Variants in GRIK3 observed in about 807,000 individuals in gnomAD.
GRIK3 encodes the protein glutamate ionotropic receptor kainate type subunit 3.
In GRIK3, 29 loss-of-function variants were observed where a neutral mutation model predicts 102.5. The observed-to-expected ratio is 0.28, with a 90% CI of 0.21 to 0.39. The LOEUF (loss-of-function observed/expected upper bound fraction) is 0.39, where lower values mean the gene tolerates loss of function less well. Among genes scored for constraint, GRIK3 ranks in the 10% least tolerant of loss-of-function variants. The pLI is 1.00. For missense variants in GRIK3, 908 were observed against 1,252.4 expected (o/e 0.73, Z 4.15); for synonymous variants, 511 against 504.9 (o/e 1.01, Z -0.16).
intron 1 of GRIK3, among the ~76,000 whole-genome samples, chr1:36,899,546 T>C (rs1296321905): frequency 1.3e-5 from 2 of 152,134 alleles, no homozygotes; most frequent in South Asian, 2.1e-4. Context: ...TTATTCTTTA[T>C]GGATATAGAG....
intron 11 of GRIK3, among the ~76,000 whole-genome samples, chr1:36,821,376 A>G (rs1642693878): frequency 1.3e-5 from 2 of 152,206 alleles, no homozygotes; most frequent in South Asian, 4.1e-4. Flanking sequence ...GAGCCTTTGG[A>G]GAGCTGGGTG....
intron 1 of GRIK3, among the ~76,000 whole-genome samples, chr1:36,999,149 G>A (rs936045726): frequency 2.0e-5 from 3 of 152,070 alleles, no homozygotes; most frequent in Admixed American, 6.6e-5. Flanking sequence ...TGGAGCTCAA[G>A]TACATAAAGT....
At chr1:36,828,716 C>A (rs761595818) in intron 10 of GRIK3, among the ~76,000 whole-genome samples, 3 of 152,216 alleles carry the variant, frequency 2.0e-5, no homozygotes. Flanking sequence ...CTCAAAATGC[C>A]TTTGGAACTG....
intron 5 of GRIK3, among the ~76,000 whole-genome samples, chr1:36,864,062 G>A (rs187069390): frequency 3.3e-5 from 5 of 152,230 alleles, no homozygotes; most frequent in Admixed American, 2.0e-4. Flanking sequence ...TGTTATTGCC[G>A]GGAAGTGGCA....
rs759627595 is a variant in GRIK3, at chr1:36,801,832, G to C, written c.*19C>G. On this transcript the variant is annotated 3_prime_UTR_variant, in exon 16 of 16. Coordinates refer to ENST00000373091, the MANE Select transcript of GRIK3 (RefSeq NM_000831.4). ...CCTCTGCCCAGCCCCCAGGCCTGAG[G>C]TCCCCACCCCAGCTGTGCCTAGGGG... 1.3e-6 allele frequency: 2 copies of C among 1,576,090 alleles called. No homozygotes were observed. The highest frequency in any genetic ancestry group is 1.7e-6 in the Non-Finnish European group (2 of 1,159,646).
At chr1:36,991,342 G>A (rs1642361347) in intron 1 of GRIK3, among the ~76,000 whole-genome samples, 1 of 152,144 alleles carries the variant, frequency 6.6e-6, no homozygotes, top group African/African-American at 2.4e-5. Context: ...GACCCTAAAG[G>A]GGCCACAGAC....
At chr1:36,832,325 C>T (rs962026799) in intron 10 of GRIK3, among the ~76,000 whole-genome samples, 2 of 152,178 alleles carry the variant, frequency 1.3e-5, no homozygotes, top group Admixed American at 6.5e-5. Flanking sequence ...CTGGTTTAGA[C>T]GAGGCACCCA....
At chr1:36,907,160 A>C (rs1262717894) in intron 1 of GRIK3, among the ~76,000 whole-genome samples, 1 of 152,154 alleles carries the variant, frequency 6.6e-6, no homozygotes, top group Non-Finnish European at 1.5e-5. Flanking sequence ...GAGGTGAGTG[A>C]GTGTTTCCTT....
At chr1:36,976,811 C>A (rs1369766068) in intron 1 of GRIK3, among the ~76,000 whole-genome samples, 2 of 152,138 alleles carry the variant, frequency 1.3e-5, no homozygotes, top group Non-Finnish European at 2.9e-5. Flanking sequence ...CCCTTATGAG[C>A]CTCACTTCAG....
chr1:36,915,463 A>G (rs1260057049), intron 1 of GRIK3, among the ~76,000 whole-genome samples: 1 of 152,220 alleles, frequency 6.6e-6, no homozygotes, highest in East Asian at 1.9e-4. Context: ...TGAAATGGCT[A>G]AACAGCAAAA....
At chr1:36,858,014 G>A (rs890868394) in intron 7 of GRIK3, among the ~76,000 whole-genome samples, 3 of 152,190 alleles carry the variant, frequency 2.0e-5, no homozygotes, top group Admixed American at 6.5e-5. Flanking sequence ...GAAGGCAGCT[G>A]GCTTCATTTC....
At chr1:36,908,068 C>T (rs1039062950) in intron 1 of GRIK3, among the ~76,000 whole-genome samples, 9 of 152,188 alleles carry the variant, frequency 5.9e-5, no homozygotes, top group Non-Finnish European at 1.3e-4. Flanking sequence ...GGAGCCCCTC[C>T]CCACACTCCC....
At chr1:37,011,816 C>A (rs576016025) in intron 1 of GRIK3, among the ~76,000 whole-genome samples, 1 of 152,166 alleles carries the variant, frequency 6.6e-6, no homozygotes, top group Non-Finnish European at 1.5e-5. Context: ...CATGCAGAGA[C>A]GCATTTCTCC....
At chr1:36,864,385 G>C (rs537537103) in intron 5 of GRIK3, among the ~76,000 whole-genome samples, 2 of 152,330 alleles carry the variant, frequency 1.3e-5, no homozygotes, top group East Asian at 3.9e-4. Context: ...CCTACAGGGG[G>C]CGCCCTCCTC....
intron 11 of GRIK3, among the ~76,000 whole-genome samples, chr1:36,823,503 T>C (rs1321512734): frequency 1.4e-4 from 18 of 126,168 alleles, no homozygotes; most frequent in African/African-American, 5.6e-4. Context: ...AAAAAAAAAT[T>C]AAACTAGTGG....
intron 1 of GRIK3, among the ~76,000 whole-genome samples, chr1:36,957,502 CCA>C (rs1641931704): frequency 8.0e-6 from 1 of 125,334 alleles, no homozygotes; most frequent in Non-Finnish European, 1.8e-5. Context: ...CCTGTGTGCC[CCA>C]TGACTCTGTG....
At chr1:36,802,477 G>A (rs1162632985) in intron 15 of GRIK3, among the ~76,000 whole-genome samples, 1 of 152,176 alleles carries the variant, frequency 6.6e-6, no homozygotes, top group Non-Finnish European at 1.5e-5. Flanking sequence ...AACATTTGAC[G>A]AATGTATGGA....
chr1:37,022,062 C>G (rs1231927447), intron 1 of GRIK3, among the ~76,000 whole-genome samples: 1 of 152,192 alleles, frequency 6.6e-6, no homozygotes, highest in Non-Finnish European at 1.5e-5. Flanking sequence ...GTGGAGGATG[C>G]ATATATTCCC....
rs112915062 is a variant in GRIK3, at chr1:36,809,385, G to A, written c.2092-3059C>T. On this transcript the variant is annotated intron_variant, in intron 13 of 15. Transcript: ENST00000373091. ...CATCTATCTATCCATCCATCCATCC[G>A]TCTGTTCTCTTACCCACCTATCCAT... Among the ~76,000 whole-genome samples, 340 of 151,808 alleles carry A rather than the reference G, an allele frequency of 2.2e-3. 1 individual carries two copies. Among genetic ancestry groups the A allele is most frequent in the African/African-American group, 8.0e-3 (329 of 41,376 alleles).
Sources: gnomAD v4.1 joint callset for allele counts (sites outside exome capture counted in the v4.1 genomes callset) on GRCh38, gnomAD v4.1.1 for gene constraint, MANE v1.5 for transcripts, NCBI Gene and HGNC (gene_info 2026-07-23, HGNC 2026-07-21) for gene names.